The following ACSS1 variants were observed in gnomAD, a reference collection of about 807,000 sequenced individuals.
The protein encoded by ACSS1 is acyl-CoA synthetase short chain family member 1.
A neutral mutation model predicts 75.3 loss-of-function variants in ACSS1; 42 were observed. That is an observed-to-expected ratio of 0.56 (90% CI 0.44 to 0.72). The LOEUF (loss-of-function observed/expected upper bound fraction) is 0.72. Among genes scored for constraint, ACSS1 ranks in the 30% least tolerant of loss-of-function variants. The pLI is 0.00. For synonymous variants in ACSS1, 380 were observed against 376.8 expected (o/e 1.01, Z -0.10); for missense variants, 782 against 935.7 (o/e 0.84, Z 2.14).
At chr20:25,043,637 G>C (rs991157870) in intron 2 of ACSS1, among the ~76,000 whole-genome samples, 6 of 152,116 alleles carry the variant, frequency 3.9e-5, no homozygotes, top group African/African-American at 1.4e-4. Flanking sequence ...CACTGTGCAC[G>C]ACCCCACCCA....
rs572333757 is a variant in ACSS1 at position 25,041,429 on chromosome 20, T to C, written c.431+6656A>G. ...GGCTGGGCTTCCACAGATGGCACCG[T>C]ACTCCCGGGCATAAGGCCACGGGCT... is the stretch of plus-strand genomic sequence containing the variant. On this transcript the variant is annotated intron_variant, in intron 2 of 13. Transcript: ENST00000323482. Among the ~76,000 whole-genome samples, 12 of 152,286 alleles carry C rather than the reference T, an allele frequency of 7.9e-5. No homozygotes were observed. In the South Asian group the frequency reaches 2.5e-3, roughly 32 times the overall value.
intron 2 of ACSS1, among the ~76,000 whole-genome samples, chr20:25,038,395 TG>T (rs1458771333): frequency 3.9e-5 from 6 of 152,190 alleles, no homozygotes; most frequent in African/African-American, 1.2e-4. Context: ...AAGGTGGTCG[TG>T]GAGACCAAAT....
chr20:25,025,086 G>C (rs575976407), intron 3 of ACSS1, among the ~76,000 whole-genome samples: 1 of 152,362 alleles, frequency 6.6e-6, no homozygotes, highest in South Asian at 2.1e-4. Context: ...CAGCAGGAAG[G>C]AATGAACCTT....
intron 8 of ACSS1, 96 bp from the exon 9 acceptor site, chr20:25,014,169 G>C (rs1042295893): frequency 1.0e-6 from 1 of 993,738 alleles, no homozygotes; most frequent in Non-Finnish European, 1.5e-6. Context: ...CCTGTTGTGG[G>C]CAAGGAAACG....
At chr20:25,057,389 C>T (rs1169716743) in intron 1 of ACSS1, among the ~76,000 whole-genome samples, 3 of 152,222 alleles carry the variant, frequency 2.0e-5, no homozygotes, top group African/African-American at 7.2e-5. Flanking sequence ...AAAGTCCCGA[C>T]TCCGGGGCGC....
At chr20:25,054,799 A>G (rs1228323048) in intron 1 of ACSS1, among the ~76,000 whole-genome samples, 1 of 152,244 alleles carries the variant, frequency 6.6e-6, no homozygotes, top group African/African-American at 2.4e-5. Flanking sequence ...ATGAGGCCCA[A>G]TAGATCACAC....
Position 25,023,010 on chromosome 20 carries a change from C to T in ACSS1, c.890G>A (p.Ser297Asn). The stretch of plus-strand genomic sequence containing the variant: ...GACGATGCCCTTGGGCATTCCGGTG[C>T]TCCCTGAGGTGTACAGCATGAAGAG... ...DMLFMLYTSG[S>N]TGMPKGIVHT... The change falls in exon 5 of 14, where the codon AGC (serine) becomes AAC (asparagine). Residue 297 changes from serine (S) to asparagine (N), a missense_variant. Physicochemically the swap from Ser to Asn is conservative, Grantham distance 46. This residue lies in a region of ACSS1 where 405 missense variants were observed against 552.6 expected (regional missense o/e 0.73). Transcript: ENST00000323482. 1 of 1,614,154 alleles carries T rather than the reference C, an allele frequency of 6.2e-7. No individual in the cohort carries two copies. Among genetic ancestry groups the T allele is most frequent in the Non-Finnish European group, 8.5e-7 (1 of 1,180,038 alleles).
At chr20:25,032,456 G>T in intron 2 of ACSS1, 1 of 1,348,584 alleles carries the variant, frequency 7.4e-7, no homozygotes, top group Non-Finnish European at 9.5e-7. Flanking sequence ...TCTGGACCTG[G>T]CAATTGCATT....
At position 25,058,059 on chromosome 20, in the gene ACSS1, C is replaced by A. The variant is rs2089271212; in HGVS notation, c.44G>T (p.Gly15Val). 9 of 1,287,418 alleles carry A rather than the reference C, an allele frequency of 7.0e-6. No individual in the cohort carries two copies. Among genetic ancestry groups the A allele is most frequent in the Non-Finnish European group, 8.8e-6 (9 of 1,022,136 alleles). 79.7% of individuals were successfully genotyped at this position (1,287,418 alleles called of 1,614,324 possible). ...CTGCCCCGAGAGCCCTCGCAGGCTG[C>A]CCAGCAGCCTCCCGACGCCGCGGCC... is the stretch of plus-strand genomic sequence containing the variant. Reference protein sequence around the residue: ...TLGRGVGRLLGSLRGLSGQPA... With the variant: ...TLGRGVGRLLVSLRGLSGQPA... Residue 15 changes from glycine (G) to valine (V), a missense_variant, in exon 1 of 14, where the codon GGC becomes GTC. Transcript: ENST00000323482.
intron 3 of ACSS1, among the ~76,000 whole-genome samples, chr20:25,026,403 A>G (rs531366458): frequency 9.2e-5 from 14 of 152,146 alleles, no homozygotes; most frequent in African/African-American, 3.1e-4. Flanking sequence ...GGCAGTTGCT[A>G]TTTCCTTCCT....
intron 2 of ACSS1, among the ~76,000 whole-genome samples, chr20:25,047,612 C>G (rs914411885): frequency 6.6e-6 from 1 of 152,116 alleles, no homozygotes; most frequent in Non-Finnish European, 1.5e-5. Flanking sequence ...TTTAGGGGCA[C>G]AGTGGGCCTG....
intron 7 of ACSS1, among the ~76,000 whole-genome samples, chr20:25,018,211 G>A (rs756885418): frequency 2.4e-4 from 36 of 152,188 alleles, no homozygotes; most frequent in Non-Finnish European, 3.8e-4. Context: ...ATTATAAAAG[G>A]GTGAGTTCAA....
chr20:25,046,135 A>G (rs1414732095), intron 2 of ACSS1: 1 of 152,274 alleles, frequency 6.6e-6, no homozygotes, highest in African/African-American at 2.4e-5. Context: ...CATGTTGGCC[A>G]GGTTGGTCTC....
chr20:25,020,103 A>C lies in ACSS1; in HGVS notation c.1153T>G (p.Tyr385Asp). The change falls in exon 7 of 14, where the codon TAT becomes GAT. Residue 385 changes from tyrosine (Y) to aspartate (D), a missense_variant. Physicochemically the swap from Tyr to Asp is radical, Grantham distance 160. This residue lies in a region of ACSS1 where 405 missense variants were observed against 552.6 expected (regional missense o/e 0.73). Transcript: ENST00000323482. Reference protein sequence around the residue: ...TVERLKINQFYGAPTAVRLLL... With the variant: ...TVERLKINQFDGAPTAVRLLL... Reference sequence around the variant, plus strand: ...AGCCGGACAGCCGTTGGGGCGCCATAGAACTGATTGATCTTCAACCTCTCT... The same window carrying C: ...AGCCGGACAGCCGTTGGGGCGCCATCGAACTGATTGATCTTCAACCTCTCT... 6.2e-7 allele frequency: 1 copy of C among 1,614,246 alleles called. No homozygotes were observed. Among genetic ancestry groups the C allele is most frequent in the Non-Finnish European group, 8.5e-7 (1 of 1,180,046 alleles).
chr20:25,031,044 T>G, intron 2 of ACSS1, 86 bp from the exon 3 acceptor site: 1 of 1,321,070 alleles, frequency 7.6e-7, no homozygotes, highest in Non-Finnish European at 1.1e-6. Context: ...ACTGCAAATT[T>G]TATGTCATAT....
Position 25,013,028 on chromosome 20 carries a change from C to T in ACSS1, c.1580-89G>A, listed in dbSNP as rs926007881. On this transcript the variant is annotated intron_variant, in intron 10 of 13. Coordinates refer to ENST00000323482, the MANE Select transcript of ACSS1 (RefSeq NM_032501.4). The stretch of plus-strand genomic sequence containing the variant: ...GTAAGCGTGAAGCTCTGCAGCCCAG[C>T]ACGCGGCTGAAGTCTCGCCCATCGG... 4 of 1,583,462 alleles carry T rather than the reference C, an allele frequency of 2.5e-6. No individual in the cohort carries two copies. The Admixed American group carries it at 7.0e-5, about 28-fold the overall frequency.
At chr20:25,027,779 C>CAAAAAAAAAA (rs78414153) in intron 3 of ACSS1, among the ~76,000 whole-genome samples, 26 of 75,208 alleles carry the variant, frequency 3.5e-4, no homozygotes, top group Middle Eastern at 6.6e-3. Context: ...AGTGATCAGG[C>CAAAAAAAAAA]AAAAAAAAAA....
intron 6 of ACSS1, among the ~76,000 whole-genome samples, chr20:25,021,186 C>T (rs897791056): frequency 6.6e-6 from 1 of 152,250 alleles, no homozygotes; most frequent in African/African-American, 2.4e-5. Flanking sequence ...AGCACCAAGT[C>T]AGACTCCCTG....
Position 25,022,957 on chromosome 20 carries a change from C to A in ACSS1, c.943G>T (p.Ala315Ser). 8 of 1,613,406 alleles carry A rather than the reference C, an allele frequency of 5.0e-6. No individual in the cohort carries two copies. The highest frequency in any genetic ancestry group is 5.9e-6 in the Non-Finnish European group (7 of 1,179,818). Reference protein sequence around the residue: ...VHTQAGYLLYAALTHKLVFDH... With the variant: ...VHTQAGYLLYSALTHKLVFDH... ...GCCTGTACCTTGTGAGTCAGGGCGG[C>A]ATAGAGCAGGTAGCCTGCCTGGGTA... is the stretch of plus-strand genomic sequence containing the variant. The change falls in exon 5 of 14, where the codon GCC becomes TCC. Residue 315 changes from alanine to serine, a missense_variant. Around this residue, in one of 2 missense-constraint regions of ACSS1, gnomAD observed 405 missense variants for 552.6 expected, o/e 0.73. Coordinates refer to ENST00000323482, the MANE Select transcript of ACSS1 (RefSeq NM_032501.4).
Sources: gnomAD v4.1 joint callset for allele counts (sites outside exome capture counted in the v4.1 genomes callset) on GRCh38, gnomAD v4.1.1 for gene constraint, gnomAD v4.1.1 regional missense constraint, MANE v1.5 for transcripts, NCBI Gene and HGNC (gene_info 2026-07-23, HGNC 2026-07-21) for gene names.